COBL: variants seen among roughly 807,000 people sequenced by gnomAD.
COBL encodes the protein cordon-bleu WH2 repeat protein, also known as protein cordon-bleu.
In COBL, 51 loss-of-function variants were observed where a neutral mutation model predicts 98.8. The ratio of observed to expected loss-of-function variants is 0.52; its 90% CI spans 0.41 to 0.65. The LOEUF (loss-of-function observed/expected upper bound fraction) is 0.65, where lower values mean the gene tolerates loss of function less well. COBL is among the 30% of genes least tolerant of loss of function. The pLI is 0.00. For missense variants in COBL, 1,617 were observed against 1,617.5 expected (o/e 1.00, Z 0.01); for synonymous variants, 634 against 651.7 (o/e 0.97, Z 0.41).
chr7:51,254,630 CTCAA>C (rs931458611), intron 1 of COBL, among the ~76,000 whole-genome samples: 5 of 152,148 alleles, frequency 3.3e-5, no homozygotes, highest in African/African-American at 1.2e-4. Context: ...CACCACTCTT[CTCAA>C]TCAGATTCTA....
intron 1 of COBL, among the ~76,000 whole-genome samples, chr7:51,242,780 G>A (rs1034126612): frequency 1.3e-5 from 2 of 152,158 alleles, no homozygotes; most frequent in African/African-American, 2.4e-5. Context: ...AGCTGAACCC[G>A]ACTCCTGGGT....
intron 2 of COBL, among the ~76,000 whole-genome samples, chr7:51,211,997 G>A (rs567608177): frequency 3.3e-5 from 5 of 152,250 alleles, no homozygotes; most frequent in South Asian, 2.1e-4. Flanking sequence ...AGAGAGCAGG[G>A]GTGGAGGGGG....
intron 1 of COBL, among the ~76,000 whole-genome samples, chr7:51,308,304 A>T (rs976267428): frequency 1.8e-3 from 279 of 152,220 alleles, no homozygotes; most frequent in African/African-American, 6.5e-3. Flanking sequence ...TTTAAATACA[A>T]CTCCCAAGCC....
intron 6 of COBL, among the ~76,000 whole-genome samples, chr7:51,131,697 G>GA (rs1244541186): frequency 1.3e-5 from 2 of 151,606 alleles, no homozygotes; most frequent in Non-Finnish European, 2.9e-5. Flanking sequence ...AGTTTCAAGT[G>GA]ATTCTCCCGC....
At chr7:51,101,931 G>A (rs1418969149) in intron 6 of COBL, among the ~76,000 whole-genome samples, 3 of 152,124 alleles carry the variant, frequency 2.0e-5, no homozygotes, top group South Asian at 4.1e-4. Context: ...TTAGAAGGTG[G>A]AGCCTTTGGG....
In COBL at chr7:51,093,360, G is replaced by A. The variant is rs868593322; in HGVS notation, c.958-8056C>T. On this transcript the variant is annotated intron_variant, in intron 6 of 12. Transcript: ENST00000265136. Reference sequence around the variant, plus strand: ...ACCTCACACTTGTTAGAATGGCTATGACAAAAAAAGATGAATGAACCCTTG... The same window carrying A: ...ACCTCACACTTGTTAGAATGGCTATAACAAAAAAAGATGAATGAACCCTTG... 2.6e-5 allele frequency among the ~76,000 whole-genome samples: 4 copies of A among 152,098 alleles called. No individual in the cohort carries two copies. The South Asian group carries it at 8.3e-4, about 31-fold the overall frequency.
intron 6 of COBL, among the ~76,000 whole-genome samples, chr7:51,115,332 C>CT (rs1164623522): frequency 6.6e-6 from 1 of 151,654 alleles, no homozygotes; most frequent in African/African-American, 2.4e-5. Flanking sequence ...TTTTGTTCTA[C>CT]TTTTTTTTAG....
At chr7:51,301,133 C>T (rs571962438) in intron 1 of COBL, among the ~76,000 whole-genome samples, 1 of 152,168 alleles carries the variant, frequency 6.6e-6, no homozygotes, top group Admixed American at 6.5e-5. Flanking sequence ...TCTGAAGCGG[C>T]CCCCTCCACC....
chr7:51,151,369 G>A (rs1347843795), intron 5 of COBL, among the ~76,000 whole-genome samples: 1 of 152,094 alleles, frequency 6.6e-6, no homozygotes, highest in Non-Finnish European at 1.5e-5. Flanking sequence ...GGATGCAAGT[G>A]GACATCTCTC....
Position 51,017,401 on chromosome 7 carries a change from C to T in COBL, c.*150G>A. ...TCTCCTTTCCTTTCAAGCCGTTATA[C>T]AGGAACACACCGAAAATCAACTGTG... On this transcript the variant is annotated 3_prime_UTR_variant, in exon 13 of 13. Transcript: ENST00000265136. 1.3e-6 allele frequency: 1 copy of T among 753,560 alleles called. No homozygotes were observed. The highest frequency in any genetic ancestry group is 2.3e-6 in the Non-Finnish European group (1 of 429,014). The allele number at this position is 753,560 out of a possible 1,614,324, so 46.7% of individuals were successfully genotyped here.
At chr7:51,087,252 T>A (rs753648311) in intron 6 of COBL, among the ~76,000 whole-genome samples, 2 of 152,298 alleles carry the variant, frequency 1.3e-5, no homozygotes, top group East Asian at 3.9e-4. Context: ...TATATTTAGT[T>A]ATAGTAGATA....
intron 2 of COBL, among the ~76,000 whole-genome samples, chr7:51,215,946 A>C (rs1413338595): frequency 3.3e-5 from 5 of 152,178 alleles, no homozygotes; most frequent in Non-Finnish European, 5.9e-5. Context: ...GGGACCTAAA[A>C]CTCCCTGCAC....
At chr7:51,252,865 G>A (rs1796853889) in intron 1 of COBL, among the ~76,000 whole-genome samples, 2 of 152,054 alleles carry the variant, frequency 1.3e-5, no homozygotes, top group Admixed American at 6.5e-5. Flanking sequence ...TCTTTCACCC[G>A]GTGATTTTAG....
In COBL at chr7:51,025,173, G is replaced by A. The variant is rs568528242; in HGVS notation, c.3704C>T (p.Ala1235Val). 1.2e-6 allele frequency: 2 copies of A among 1,611,760 alleles called. No individual in the cohort carries two copies. Among genetic ancestry groups the A allele is most frequent in the African/African-American group, 2.7e-5 (2 of 74,868 alleles). ...GTCCATCAAGGCTTGCCTTGCGTCT[G>A]CGGTGTTGCTGAGGGTGCCCGTGCT... Reference protein sequence around the residue: ...RFSTGTLSNTADARQALMDAI... With the variant: ...RFSTGTLSNTVDARQALMDAI... The change falls in exon 12 of 13, where the codon GCA becomes GTA. Residue 1235 changes from alanine to valine, a missense_variant. Coordinates refer to ENST00000265136, the MANE Select transcript of COBL (RefSeq NM_015198.5).
In COBL at chr7:51,025,167, G is replaced by T; in HGVS notation, c.3710C>A (p.Ala1237Glu). 6.2e-7 allele frequency: 1 copy of T among 1,611,758 alleles called. No individual in the cohort carries two copies. Among genetic ancestry groups the T allele is most frequent in the South Asian group, 1.1e-5 (1 of 90,966 alleles). Residue 1237 changes from alanine (A) to glutamate (E), a missense_variant, in exon 12 of 13, where the codon GCA (alanine) becomes GAA (glutamate). Around this residue, in one of 3 missense-constraint regions of COBL, gnomAD observed 1,304 missense variants for 1,282.0 expected, o/e 1.02. Transcript: ENST00000265136. ...GATGGCGTCCATCAAGGCTTGCCTT[G>T]CGTCTGCGGTGTTGCTGAGGGTGCC... ...STGTLSNTAD[A>E]RQALMDAIRS...
chr7:51,016,915 A>C lies in COBL; in HGVS notation c.*636T>G. 1.3e-5 allele frequency: 5 copies of C among 399,340 alleles called. No individual in the cohort carries two copies. Among genetic ancestry groups the C allele is most frequent in the Non-Finnish European group, 2.2e-5 (5 of 226,698 alleles). The allele number at this position is 399,340 out of a possible 1,614,324, so 24.7% of individuals were successfully genotyped here. On this transcript the variant is annotated 3_prime_UTR_variant, in exon 13 of 13. Coordinates refer to ENST00000265136, the MANE Select transcript of COBL (RefSeq NM_015198.5). Reference sequence around the variant, plus strand: ...ACTGTTTTCTGGGTGGTAATAGTTGATTTTTAAAAGCTTAGTTGGTCAGAT... The same window carrying C: ...ACTGTTTTCTGGGTGGTAATAGTTGCTTTTTAAAAGCTTAGTTGGTCAGAT...
intron 6 of COBL, among the ~76,000 whole-genome samples, chr7:51,117,269 T>G (rs1463970218): frequency 2.0e-5 from 3 of 152,072 alleles, no homozygotes; most frequent in Admixed American, 2.0e-4. Context: ...TGTAAAAAAC[T>G]TTTGGCCCTT....
chr7:51,262,564 G>A (rs1454681948), intron 1 of COBL, among the ~76,000 whole-genome samples: 1 of 152,218 alleles, frequency 6.6e-6, no homozygotes, highest in African/African-American at 2.4e-5. Flanking sequence ...GGATGCACTG[G>A]GAAGTCACGA....
intron 7 of COBL, among the ~76,000 whole-genome samples, chr7:51,053,006 C>T (rs1217229300): frequency 6.6e-6 from 1 of 152,162 alleles, no homozygotes; most frequent in African/African-American, 2.4e-5. Context: ...AAGGCAGGAC[C>T]GAGCTGTGCC....
Sources: allele counts gnomAD v4.1 joint callset (sites outside exome capture counted in the v4.1 genomes callset), GRCh38; gene constraint gnomAD v4.1.1; regional missense constraint gnomAD v4.1.1; transcripts MANE v1.5; gene names NCBI Gene and HGNC (gene_info 2026-07-23, HGNC 2026-07-21).